Variants in CACNA1E observed in about 807,000 individuals in gnomAD.
The protein encoded by CACNA1E is calcium voltage-gated channel subunit alpha1 E, also known as voltage-dependent R-type calcium channel subunit alpha-1E.
Under a neutral mutation model 259.2 loss-of-function variants are expected in CACNA1E, and 40 were observed. The observed-to-expected ratio is 0.15, with a 90% CI of 0.12 to 0.20. CACNA1E has a LOEUF of 0.20. Ranked by LOEUF, CACNA1E falls within the 10% of genes least tolerant of loss-of-function variation. CACNA1E has a pLI of 1.00. For synonymous variants in CACNA1E, 1,104 were observed against 1,138.5 expected (o/e 0.97, Z 0.61); for missense variants, 1,874 against 3,040.1 (o/e 0.62, Z 9.02).
rs191660487 is a variant in CACNA1E at position 181,620,708 on chromosome 1, A to G, written c.952-30630A>G. Among the ~76,000 whole-genome samples the G allele has an allele frequency of 2.6e-5, 4 of 152,362 alleles. No individual in the cohort carries two copies. In the East Asian group the frequency reaches 7.7e-4, roughly 29 times the overall value. On this transcript the variant is annotated intron_variant, in intron 6 of 47. Coordinates refer to ENST00000367573, the MANE Select transcript of CACNA1E (RefSeq NM_001205293.3). ...ACATGAAAATTCAAATAGTAATGCAAGATGGAAGGTGCCAGACAACAGAGG... is the reference window on the plus strand; with the variant it reads ...ACATGAAAATTCAAATAGTAATGCAGGATGGAAGGTGCCAGACAACAGAGG...
chr1:181,584,822 A>C (rs530439455), intron 6 of CACNA1E, among the ~76,000 whole-genome samples: 1 of 152,204 alleles, frequency 6.6e-6, no homozygotes, highest in Non-Finnish European at 1.5e-5. Flanking sequence ...CTAATTTGAC[A>C]AATAGGTGGC....
chr1:181,647,218 G>T (rs891301544), intron 6 of CACNA1E, among the ~76,000 whole-genome samples: 5 of 152,204 alleles, frequency 3.3e-5, no homozygotes, highest in Non-Finnish European at 5.9e-5. Context: ...AGCATTCTTT[G>T]CAGGGAGGGC....
chr1:181,491,160 C>T (rs569982712), intron 1 of CACNA1E, among the ~76,000 whole-genome samples: 20 of 152,280 alleles, frequency 1.3e-4, no homozygotes, highest in Admixed American at 3.9e-4. Context: ...CAGCTGTGTT[C>T]TCCTGGGAAC....
intron 45 of CACNA1E, among the ~76,000 whole-genome samples, chr1:181,794,174 T>G (rs1661581131): frequency 6.6e-6 from 1 of 152,260 alleles, no homozygotes; most frequent in Non-Finnish European, 1.5e-5. Flanking sequence ...CTGTCTGTCC[T>G]AACCAGTGCA....
chr1:181,713,828 G>T (rs576611515), intron 8 of CACNA1E, among the ~76,000 whole-genome samples: 1 of 152,234 alleles, frequency 6.6e-6, no homozygotes, highest in Non-Finnish European at 1.5e-5. Flanking sequence ...GCACTTGGAG[G>T]GATGCTAGTG....
chr1:181,606,225 C>T (rs190223075), intron 6 of CACNA1E, among the ~76,000 whole-genome samples: 61 of 152,204 alleles, frequency 4.0e-4, no homozygotes, highest in African/African-American at 1.3e-3. Context: ...CTGTTAGCAC[C>T]GTTCTAAATA....
At chr1:181,482,151 T>A (rs1663312433), upstream of CACNA1E, among the ~76,000 whole-genome samples, 1 of 152,218 alleles carries the variant, frequency 6.6e-6, no homozygotes, top group African/African-American at 2.4e-5. Flanking sequence ...GAGAGGGTTC[T>A]GCCCTCTACT....
intron 6 of CACNA1E, among the ~76,000 whole-genome samples, chr1:181,611,577 C>T (rs1654755050): frequency 6.6e-6 from 1 of 152,064 alleles, no homozygotes; most frequent in African/African-American, 2.4e-5. Context: ...ATAAGATAGA[C>T]CTGAGGTACA....
intron 16 of CACNA1E, 76 bp downstream of exon 16, chr1:181,721,951 G>A: frequency 2.1e-6 from 2 of 966,250 alleles, no homozygotes; most frequent in East Asian, 2.4e-5. Flanking sequence ...TGGTGGTGGT[G>A]GTGCTAGAGC....
At chr1:181,582,654 G>C (rs1651654146) in intron 6 of CACNA1E, among the ~76,000 whole-genome samples, 2 of 152,246 alleles carry the variant, frequency 1.3e-5, no homozygotes, top group East Asian at 1.9e-4. Context: ...TAGTTTCTTT[G>C]TTCATTCCTT....
intron 1 of CACNA1E, among the ~76,000 whole-genome samples, chr1:181,496,209 C>G (rs747638192): frequency 6.6e-5 from 10 of 152,170 alleles, no homozygotes; most frequent in Middle Eastern, 3.4e-3. Context: ...AGTATTGTAC[C>G]TAAGGACATA....
intron 26 of CACNA1E, among the ~76,000 whole-genome samples, chr1:181,751,639 T>C (rs1025985362): frequency 6.6e-6 from 1 of 152,226 alleles, no homozygotes; most frequent in Non-Finnish European, 1.5e-5. Flanking sequence ...AGTGCCCTGA[T>C]GAGACTTGCT....
At chr1:181,787,608 G>C (rs908461388) in intron 43 of CACNA1E, among the ~76,000 whole-genome samples, 2 of 152,164 alleles carry the variant, frequency 1.3e-5, no homozygotes, top group African/African-American at 4.8e-5. Flanking sequence ...AGGCACTGGG[G>C]CTATGGCAAA....
intron 3 of CACNA1E, among the ~76,000 whole-genome samples, chr1:181,574,852 C>T (rs1650795441): frequency 1.3e-5 from 2 of 152,116 alleles, no homozygotes; most frequent in African/African-American, 2.4e-5. Flanking sequence ...TGGTGAAACC[C>T]TGTCTCTACT....
At chr1:181,457,035 C>G (rs1449773503) in intron 2 of CACNA1E, among the ~76,000 whole-genome samples, 1 of 152,330 alleles carries the variant, frequency 6.6e-6, no homozygotes, top group Middle Eastern at 3.4e-3. Context: ...AGTCTGTGAG[C>G]CTCTATAATA....
At chr1:181,425,058 A>G (rs953089023) in intron 2 of CACNA1E, among the ~76,000 whole-genome samples, 3 of 152,210 alleles carry the variant, frequency 2.0e-5, no homozygotes, top group Non-Finnish European at 4.4e-5. Flanking sequence ...CTCTAGCGCC[A>G]GCTGCTCAAT....
chr1:181,675,827 G>A lies in CACNA1E; in HGVS notation c.1055+24386G>A, dbSNP rs146412554. On this transcript the variant is annotated intron_variant, in intron 7 of 47. Coordinates refer to ENST00000367573, the MANE Select transcript of CACNA1E (RefSeq NM_001205293.3). ...GGTTGGAATGCCTTTGCAGCCTCCC[G>A]GGCTCTGGACAATGCGCAGCTAAGG... Among the ~76,000 whole-genome samples, 1,072 of 152,264 alleles carry A rather than the reference G, an allele frequency of 7.0e-3. 2 individuals are homozygous for A. Among genetic ancestry groups the A allele is most frequent in the Non-Finnish European group, 0.011 (751 of 68,016 alleles).
chr1:181,700,251 C>T (rs377527141), intron 7 of CACNA1E, among the ~76,000 whole-genome samples: 17 of 152,256 alleles, frequency 1.1e-4, no homozygotes, highest in African/African-American at 2.6e-4. Flanking sequence ...GCCCCAAACC[C>T]CTGTTGAGTC....
chr1:181,426,334 C>A (rs1281263289), intron 2 of CACNA1E, among the ~76,000 whole-genome samples: 1 of 151,948 alleles, frequency 6.6e-6, no homozygotes, highest in African/African-American at 2.4e-5. Flanking sequence ...AACTCCTCCT[C>A]ATCTGAACCC....
Sources: gnomAD v4.1 joint callset for allele counts (sites outside exome capture counted in the v4.1 genomes callset) on GRCh38, gnomAD v4.1.1 for gene constraint, MANE v1.5 for transcripts, NCBI Gene and HGNC (gene_info 2026-07-23, HGNC 2026-07-21) for gene names.